The following SLCO4A1 variants were observed in gnomAD, a reference collection of about 807,000 sequenced individuals.
SLCO4A1 encodes colon organic anion transporter.
In SLCO4A1, 51 loss-of-function variants were observed where a neutral mutation model predicts 64.6. That is an observed-to-expected ratio of 0.79 (90% CI 0.63 to 1.00). SLCO4A1 has a LOEUF of 1.00. SLCO4A1 is among the 50% of genes least tolerant of loss of function. The pLI is 0.00. For synonymous variants in SLCO4A1, 471 were observed against 444.9 expected (o/e 1.06, Z -0.74); for missense variants, 919 against 980.5 (o/e 0.94, Z 0.84).
Position 62,660,647 on chromosome 20 carries a change from G to A in SLCO4A1, c.1009+114G>A, listed in dbSNP as rs554175165. 73 of 1,249,950 alleles carry A rather than the reference G, an allele frequency of 5.8e-5. No homozygotes were observed. In the Middle Eastern group the frequency reaches 1.1e-3, roughly 19 times the overall value. The allele number at this position is 1,249,950 out of a possible 1,614,324, so 77.4% of individuals were successfully genotyped here. A position where few individuals can be genotyped will look rare whatever the true frequency, so the allele number is the denominator to read the frequency against. The stretch of plus-strand genomic sequence containing the variant: ...TTTTCCCCGCCATGATCAAGTCTGC[G>A]GCACACCCTCATTCTCAGTGTTCTT... On this transcript the variant is annotated intron_variant, in intron 4 of 11. Transcript: ENST00000217159.
intron 1 of SLCO4A1, among the ~76,000 whole-genome samples, chr20:62,648,512 G>A (rs913545152): frequency 7.2e-5 from 11 of 152,124 alleles, no homozygotes; most frequent in African/African-American, 2.4e-4. Context: ...CGGCTGCATG[G>A]GAGCCGTGTG....
At chr20:62,678,172 C>T (rs530940812) in intron 2 of SLCO4A1, among the ~76,000 whole-genome samples, 5 of 152,304 alleles carry the variant, frequency 3.3e-5, no homozygotes, top group South Asian at 2.1e-4. Context: ...GGGCGAGCGG[C>T]GACTCCAGGC....
intron 2 of SLCO4A1, among the ~76,000 whole-genome samples, chr20:62,682,982 G>A (rs1191770574): frequency 6.6e-6 from 1 of 152,254 alleles, no homozygotes; most frequent in Non-Finnish European, 1.5e-5. Context: ...GCTCGAGGCC[G>A]CGGATGGACC....
chr20:62,683,426 C>T (rs752179639), intron 2 of SLCO4A1, among the ~76,000 whole-genome samples: 19 of 152,018 alleles, frequency 1.2e-4, no homozygotes, highest in African/African-American at 4.6e-4. Flanking sequence ...GCTCCATGGG[C>T]GCTTGGCGGG....
At chr20:62,651,450 A>G (rs1347956314) in intron 1 of SLCO4A1, 1 of 152,232 alleles carries the variant, frequency 6.6e-6, no homozygotes, top group Non-Finnish European at 1.5e-5. Context: ...GGAGGTGCAC[A>G]GCTGGTGAGC....
chr20:62,688,285 C>T (rs115333246), downstream of SLCO4A1, among the ~76,000 whole-genome samples: 296 of 152,264 alleles, frequency 1.9e-3, no homozygotes, highest in African/African-American at 6.9e-3. Context: ...AGGTCCTGCC[C>T]GCGGCCCCCC....
In SLCO4A1 at chr20:62,644,363, C is replaced by G. The variant is rs1406585343; in HGVS notation, c.-97+1810C>G. Reference sequence around the variant, plus strand: ...ATTCTTCATGAGGGAGCTTCCCTCCCGAGTGGCCGTGACCTAATCTGTAGC... The same window carrying G: ...ATTCTTCATGAGGGAGCTTCCCTCCGGAGTGGCCGTGACCTAATCTGTAGC... On this transcript the variant is annotated intron_variant, in intron 1 of 11. Transcript: ENST00000217159. This position sits in a 1 kb window ranked among gnomAD's most constrained non-coding sequence, Gnocchi z 5.4. Among the ~76,000 whole-genome samples the G allele has an allele frequency of 2.6e-5, 4 of 152,358 alleles. No homozygotes were observed. The highest frequency in any genetic ancestry group is 9.6e-5 in the African/African-American group (4 of 41,590).
downstream of SLCO4A1, among the ~76,000 whole-genome samples, chr20:62,675,963 C>T (rs144915116): frequency 2.6e-5 from 4 of 152,270 alleles, no homozygotes; most frequent in Non-Finnish European, 4.4e-5. Flanking sequence ...GGTTTTCCCT[C>T]GAGAGATTTT....
Position 62,672,165 on chromosome 20 carries a change from T to C in SLCO4A1, c.*272T>C, listed in dbSNP as rs1450219435. On this transcript the variant is annotated 3_prime_UTR_variant, in exon 12 of 12. Transcript: ENST00000217159. ...GTTTTATACCCGATCGTGTGTGGTGTGCGTGAGGACAAACTCCGCAGGGGC... is the reference window on the plus strand; with the variant it reads ...GTTTTATACCCGATCGTGTGTGGTGCGCGTGAGGACAAACTCCGCAGGGGC... The C allele has an allele frequency of 1.5e-6, 2 of 1,347,454 alleles. No homozygotes were observed. The highest frequency in any genetic ancestry group is 1.6e-5 in the South Asian group (1 of 64,246). The allele number at this position is 1,347,454 out of a possible 1,614,324, so 83.5% of individuals were successfully genotyped here.
intron 9 of SLCO4A1, 116 bp from the exon 10 acceptor site, chr20:62,668,361 C>CT (rs1474712118): frequency 3.8e-6 from 5 of 1,304,580 alleles, no homozygotes; most frequent in African/African-American, 1.5e-5. Flanking sequence ...GGGCTTCCCA[C>CT]TTGGGGGGGG....
intron 2 of SLCO4A1, among the ~76,000 whole-genome samples, chr20:62,683,934 C>T (rs1039255877): frequency 1.9e-4 from 27 of 140,848 alleles, no homozygotes; most frequent in African/African-American, 2.7e-4. Context: ...CGTGACCACG[C>T]GCTTCCCACA....
In SLCO4A1 at chr20:62,656,974, G is replaced by A. The variant is rs1439261519; in HGVS notation, c.520G>A (p.Gly174Ser). 3.2e-6 allele frequency: 5 copies of A among 1,566,912 alleles called. No homozygotes were observed. The highest frequency in any genetic ancestry group is 4.3e-6 in the Non-Finnish European group (5 of 1,151,334). ...GGSGHKPRWL[G>S]WGVLLMGTGS... ...CTCAGGGCACAAGCCGCGCTGGCTG[G>A]GCTGGGGCGTGCTGCTTATGGGCAC... Residue 174 changes from glycine (G) to serine (S), a missense_variant, in exon 2 of 12, where the codon GGC (glycine) becomes AGC (serine). Transcript: ENST00000217159.
chr20:62,653,936 T>C (rs936371591), intron 1 of SLCO4A1, among the ~76,000 whole-genome samples: 2 of 151,688 alleles, frequency 1.3e-5, no homozygotes, highest in African/African-American at 4.8e-5. Flanking sequence ...ATAAACCTAA[T>C]GTAAATGATG....
intron 1 of SLCO4A1, among the ~76,000 whole-genome samples, chr20:62,654,276 C>G (rs1983218412): frequency 6.6e-6 from 1 of 152,200 alleles, no homozygotes; most frequent in East Asian, 1.9e-4. Context: ...CCACCCTAAT[C>G]CAGGATGATC....
chr20:62,668,120 T>C lies in SLCO4A1; in HGVS notation c.1747T>C (p.Phe583Leu). Reference sequence around the variant, plus strand: ...TCAGAGAAAGCCCCTCCTTCTGGTTTTCATATTCGTTGTAATTTTCTTTAC... The same window carrying C: ...TCAGAGAAAGCCCCTCCTTCTGGTTCTCATATTCGTTGTAATTTTCTTTAC... Reference protein sequence around the residue: ...TCQRKPLLLVFIFVVIFFTFL... With the variant: ...TCQRKPLLLVLIFVVIFFTFL... The change falls in exon 9 of 12, where the codon TTC (phenylalanine) becomes CTC (leucine). Residue 583 changes from phenylalanine to leucine, a missense_variant. Coordinates refer to ENST00000217159, the MANE Select transcript of SLCO4A1 (RefSeq NM_016354.4). 6.2e-7 allele frequency: 1 copy of C among 1,614,028 alleles called. No homozygotes were observed. Among genetic ancestry groups the C allele is most frequent in the Non-Finnish European group, 8.5e-7 (1 of 1,180,044 alleles).
intron 1 of SLCO4A1, among the ~76,000 whole-genome samples, chr20:62,648,534 A>G (rs1195718237): frequency 1.3e-5 from 2 of 152,252 alleles, no homozygotes; most frequent in African/African-American, 4.8e-5. Flanking sequence ...CCGGAGCCCC[A>G]GGGGAGACCT....
intron 2 of SLCO4A1, 112 bp downstream of exon 2, chr20:62,657,362 T>G: frequency 9.7e-7 from 1 of 1,030,338 alleles, no homozygotes; most frequent in Non-Finnish European, 1.4e-6. Flanking sequence ...GTACCCCTTG[T>G]CTGCATGGCC....
intron 11 of SLCO4A1, among the ~76,000 whole-genome samples, chr20:62,670,982 G>A (rs1198231675): frequency 5.3e-5 from 8 of 152,264 alleles, no homozygotes; most frequent in South Asian, 2.1e-4. Flanking sequence ...TGTACTCTGC[G>A]TGGGCATTGC....
chr20:62,662,344 G>A (rs1233877759), intron 5 of SLCO4A1, among the ~76,000 whole-genome samples: 2 of 152,084 alleles, frequency 1.3e-5, no homozygotes, highest in African/African-American at 2.4e-5. Context: ...TGTAGGCACT[G>A]GCTCACCCTC....
Sources: allele counts gnomAD v4.1 joint callset (sites outside exome capture counted in the v4.1 genomes callset), GRCh38; gene constraint gnomAD v4.1.1; non-coding constraint Gnocchi (gnomAD v3.1); transcripts MANE v1.5; gene names NCBI Gene and HGNC (gene_info 2026-07-23, HGNC 2026-07-21).